ZMPSTE24: variants seen among roughly 807,000 people sequenced by gnomAD.
ZMPSTE24 encodes CAAX prenyl protease 1 homolog.
A neutral mutation model predicts 56.7 loss-of-function variants in ZMPSTE24; 48 were observed. That is an observed-to-expected ratio of 0.85 (90% CI 0.67 to 1.08). ZMPSTE24 has a LOEUF of 1.08. ZMPSTE24 is among the 50% of genes least tolerant of loss of function. ZMPSTE24 has a pLI of 0.00. For synonymous variants in ZMPSTE24, 172 were observed against 195.2 expected (o/e 0.88, Z 0.99); for missense variants, 503 against 548.7 (o/e 0.92, Z 0.83).
intron 2 of ZMPSTE24, among the ~76,000 whole-genome samples, chr1:40,265,587 T>C (rs144160033): frequency 9.2e-5 from 14 of 152,080 alleles, no homozygotes; most frequent in African/African-American, 3.1e-4. Flanking sequence ...TCCTGGCTAC[T>C]TGGGGGGCTG....
chr1:40,258,648 G>A (rs1393125345), intron 1 of ZMPSTE24, among the ~76,000 whole-genome samples: 1 of 152,130 alleles, frequency 6.6e-6, no homozygotes, highest in Admixed American at 6.6e-5. Context: ...GGGCTCTTGT[G>A]CCCTCCCTGC....
intron 2 of ZMPSTE24, 113 bp from the exon 3 acceptor site, chr1:40,267,673 T>A: frequency 2.3e-6 from 2 of 879,684 alleles, no homozygotes; most frequent in South Asian, 2.8e-5. Flanking sequence ...CTGGCCTCTT[T>A]TGTTTTTTTA....
chr1:40,273,537 A>AAAAAAATATAT (rs1224234676), intron 6 of ZMPSTE24, among the ~76,000 whole-genome samples: 1 of 12,388 alleles, frequency 8.1e-5, no homozygotes, highest in Non-Finnish European at 2.0e-4. Flanking sequence ...AAAAAAAAAA[A>AAAAAAATATAT]ATATATATAT....
chr1:40,261,341 A>G (rs1643494911), intron 2 of ZMPSTE24, among the ~76,000 whole-genome samples: 1 of 151,676 alleles, frequency 6.6e-6, no homozygotes, highest in Non-Finnish European at 1.5e-5. Flanking sequence ...ATTATGTTGA[A>G]TTTGCCTGGA....
At chr1:40,290,500 G>A in intron 8 of ZMPSTE24, 1 of 103,788 alleles carries the variant, frequency 9.6e-6, no homozygotes, top group Non-Finnish European at 1.7e-5. Context: ...TCACTCTGTT[G>A]CCCAGGCTGG....
At chr1:40,270,501 A>AG (rs1643603379) in intron 5 of ZMPSTE24, among the ~76,000 whole-genome samples, 1 of 152,176 alleles carries the variant, frequency 6.6e-6, no homozygotes, top group South Asian at 2.1e-4. Context: ...ATGAGATTTA[A>AG]GAGGGACAAG....
intron 2 of ZMPSTE24, among the ~76,000 whole-genome samples, chr1:40,263,186 A>G (rs1184589561): frequency 3.9e-5 from 6 of 152,230 alleles, no homozygotes; most frequent in Admixed American, 1.3e-4. Flanking sequence ...GATGACAGAA[A>G]TAGGGAGAAT....
intron 2 of ZMPSTE24, chr1:40,262,761 C>T: frequency 9.0e-7 from 1 of 1,113,446 alleles, no homozygotes; most frequent in South Asian, 1.8e-5. Context: ...TTTGCCTCTT[C>T]TTTCTGCAGT....
intron 1 of ZMPSTE24, chr1:40,259,423 GGA>G (rs1643473166): frequency 1.3e-5 from 2 of 152,074 alleles, no homozygotes; most frequent in African/African-American, 4.8e-5. Context: ...GAGGGACGAG[GGA>G]GAGTCTGCAA....
At chr1:40,284,748 A>G (rs953366864) in intron 7 of ZMPSTE24, among the ~76,000 whole-genome samples, 1 of 152,162 alleles carries the variant, frequency 6.6e-6, no homozygotes, top group African/African-American at 2.4e-5. Flanking sequence ...GTGAAACTCC[A>G]TCTAAAATAA....
rs370174601 is a variant in ZMPSTE24, at chr1:40,260,874, G to A, written c.159G>A (p.Pro53=). ...RIYKTTTHVP[P]ELGQIMDSET... is the part of the protein sequence containing the mutation. ...ATAAAACAACAACTCATGTACCACC[G>A]GAGTTAGGACAGATCATGGATTCTG... Residue 53 remains proline (P), a synonymous_variant, in exon 2 of 10, where the codon CCG becomes CCA. Coordinates refer to ENST00000372759, the MANE Select transcript of ZMPSTE24 (RefSeq NM_005857.5). The A allele has an allele frequency of 2.0e-5, 33 of 1,613,798 alleles. No homozygotes were observed. The highest frequency in any genetic ancestry group is 1.7e-4 in the African/African-American group (13 of 74,916).
chr1:40,285,159 T>C (rs1215026711), intron 7 of ZMPSTE24, among the ~76,000 whole-genome samples: 3 of 151,664 alleles, frequency 2.0e-5, no homozygotes, highest in Non-Finnish European at 4.4e-5. Flanking sequence ...TAGGCTGGAG[T>C]GCAATGGCGT....
At chr1:40,284,772 CT>C (rs986529127) in intron 7 of ZMPSTE24, among the ~76,000 whole-genome samples, 2 of 152,088 alleles carry the variant, frequency 1.3e-5, no homozygotes, top group Non-Finnish European at 2.9e-5. Context: ...ATAATAACTA[CT>C]GTTAACATTT....
chr1:40,281,661 T>TA, intron 7 of ZMPSTE24, 134 bp downstream of exon 7: 1 of 919,274 alleles, frequency 1.1e-6, no homozygotes, highest in Non-Finnish European at 1.7e-6. Context: ...ATGGCTCCTT[T>TA]ATAGTTCTGG....
chr1:40,287,631 C>T (rs1246388711), intron 8 of ZMPSTE24, among the ~76,000 whole-genome samples: 3 of 151,526 alleles, frequency 2.0e-5, no homozygotes, highest in Non-Finnish European at 4.4e-5. Context: ...GCTGAGATCG[C>T]CCCAGTGCAC....
At chr1:40,284,102 ATTTTTTT>A (rs10600489) in intron 7 of ZMPSTE24, among the ~76,000 whole-genome samples, 5 of 116,952 alleles carry the variant, frequency 4.3e-5, no homozygotes, top group East Asian at 4.9e-4. Context: ...TGCCCAGCTA[ATTTTTTT>A]TTTTTTTTTT....
At chr1:40,269,009 G>C (rs1231271288) in intron 4 of ZMPSTE24, among the ~76,000 whole-genome samples, 1 of 145,638 alleles carries the variant, frequency 6.9e-6, no homozygotes. Flanking sequence ...CCGGGAGGCA[G>C]AGCTTGCAGT....
At chr1:40,274,909 A>G (rs1373348975) in intron 6 of ZMPSTE24, among the ~76,000 whole-genome samples, 2 of 152,148 alleles carry the variant, frequency 1.3e-5, no homozygotes, top group African/African-American at 2.4e-5. Flanking sequence ...TAAGGGAAAG[A>G]GTGACATCAA....
chr1:40,270,633 C>G (rs1428056075), intron 5 of ZMPSTE24, among the ~76,000 whole-genome samples: 1 of 152,072 alleles, frequency 6.6e-6, no homozygotes, highest in Non-Finnish European at 1.5e-5. Context: ...CTATCTTTTA[C>G]CCATTCTTCT....
Sources: gnomAD v4.1 joint callset for allele counts (sites outside exome capture counted in the v4.1 genomes callset) on GRCh38, gnomAD v4.1.1 for gene constraint, MANE v1.5 for transcripts, NCBI Gene and HGNC (gene_info 2026-07-23, HGNC 2026-07-21) for gene names.